Variants in ABCA3 observed in about 807,000 individuals in gnomAD.
ABCA3 encodes ATP binding cassette subfamily A member 3.
Under a neutral mutation model 172.8 loss-of-function variants are expected in ABCA3, and 88 were observed. That is an observed-to-expected ratio of 0.51 (90% confidence interval 0.43 to 0.61). ABCA3 has a LOEUF of 0.61. Among genes scored for constraint, ABCA3 ranks in the 20% least tolerant of loss-of-function variants. The pLI is 0.00. For missense variants in ABCA3, 2,164 were observed against 2,301.0 expected (o/e 0.94, Z 1.22); for synonymous variants, 1,066 against 983.8 (o/e 1.08, Z -1.56).
chr16:2,326,285 T>A lies in ABCA3; in HGVS notation c.55-11A>T. 10 of 1,612,414 alleles carry A rather than the reference T, an allele frequency of 6.2e-6. No individual in the cohort carries two copies. The highest frequency in any genetic ancestry group is 8.5e-6 in the Non-Finnish European group (10 of 1,179,994). Reference sequence around the variant, plus strand: ...CAGGACCTTCCGCTTCTGGAAGAGATACAATAGGGCACGGTGATGGGCTGC... The same window carrying A: ...CAGGACCTTCCGCTTCTGGAAGAGAAACAATAGGGCACGGTGATGGGCTGC... On this transcript the variant is annotated splice_polypyrimidine_tract_variant and intron_variant, in intron 4 of 32. Transcript: ENST00000301732.
At position 2,292,267 on chromosome 16, in the gene ABCA3, AC is replaced by A. The variant is rs771920021; in HGVS notation, c.2415-30del. ...AAAAACAGACCCAGCATTATGAGTC[AC>A]TTCTCAGTGACTTTCTAGATAATTT... On this transcript the variant is annotated intron_variant, in intron 18 of 32. Coordinates refer to ENST00000301732, the MANE Select transcript of ABCA3 (RefSeq NM_001089.3). 1.9e-5 allele frequency: 30 copies of A among 1,573,638 alleles called. No homozygotes were observed. The Middle Eastern group carries it at 5.0e-4, about 26-fold the overall frequency.
At chr16:2,313,469 C>T (rs754496070) in intron 10 of ABCA3, among the ~76,000 whole-genome samples, 16 of 147,578 alleles carry the variant, frequency 1.1e-4, no homozygotes, top group Non-Finnish European at 1.8e-4. Context: ...AGGAGAATTG[C>T]TTGAACCCAG....
intron 11 of ABCA3, 56 bp from the exon 12 acceptor site, chr16:2,304,206 ACCCGAAGCCC>A: frequency 1.2e-6 from 2 of 1,600,962 alleles, no homozygotes; most frequent in Non-Finnish European, 1.7e-6. Context: ...GGGCCCAGGG[ACCCGAAGCCC>A]CTGATGGCAC....
intron 26 of ABCA3, among the ~76,000 whole-genome samples, chr16:2,282,948 G>A (rs2093657265): frequency 6.6e-6 from 1 of 152,236 alleles, no homozygotes; most frequent in Non-Finnish European, 1.5e-5. Flanking sequence ...GGACGGCCCT[G>A]GGCCCCCAGG....
At chr16:2,328,782 T>A in intron 2 of ABCA3, 25 bp from the exon 3 acceptor site, 1 of 259,480 alleles carries the variant, frequency 3.9e-6, no homozygotes, top group Non-Finnish European at 8.0e-6. Flanking sequence ...ACATCATCCA[T>A]CAGCCAGGTT....
intron 1 of ABCA3, among the ~76,000 whole-genome samples, chr16:2,333,249 G>A (rs2093746291): frequency 6.6e-6 from 1 of 152,180 alleles, no homozygotes; most frequent in African/African-American, 2.4e-5. Flanking sequence ...ATGTGTTCCT[G>A]TTGTATTCTG....
chr16:2,306,760 A>T (rs2093698230), intron 11 of ABCA3, among the ~76,000 whole-genome samples: 1 of 152,202 alleles, frequency 6.6e-6, no homozygotes, highest in Non-Finnish European at 1.5e-5. Flanking sequence ...TCACGCCTGT[A>T]ATCCCAGCAC....
At chr16:2,318,575 C>T (rs1396728007) in intron 8 of ABCA3, among the ~76,000 whole-genome samples, 9 of 150,594 alleles carry the variant, frequency 6.0e-5, no homozygotes, top group Admixed American at 2.7e-4. Context: ...TGCAGTGGTG[C>T]GATCTTGGCT....
chr16:2,284,492 C>T lies in ABCA3; in HGVS notation c.3704-55G>A, dbSNP rs2093659729. On this transcript the variant is annotated intron_variant, in intron 24 of 32. Transcript: ENST00000301732. The surrounding 1 kb of genome is among the most constrained non-coding windows in gnomAD (Gnocchi z 5.9). ...CTGGAGGGCACACCACACCCACCTC[C>T]AGGACGGGCCTGGTCAGGGCGGGCA... The T allele has an allele frequency of 1.2e-6, 2 of 1,607,220 alleles. No individual in the cohort carries two copies. The highest frequency in any genetic ancestry group is 1.7e-6 in the Non-Finnish European group (2 of 1,175,164).
Position 2,297,793 on chromosome 16 carries a change from G to T in ABCA3, c.2025C>A (p.Ile675=). Residue 675 remains isoleucine (I), a synonymous_variant, in exon 16 of 33, where the codon ATC becomes ATA. Coordinates refer to ENST00000301732, the MANE Select transcript of ABCA3 (RefSeq NM_001089.3). This position sits in a 1 kb window ranked among gnomAD's most constrained non-coding sequence, Gnocchi z 5.6. Reference sequence around the variant, plus strand: ...TGGAGCCTGCGATGAGGGCGATGCCGATGGAGAGCTTGCGCCTCATGCCCC... The same window carrying T: ...TGGAGCCTGCGATGAGGGCGATGCCTATGGAGAGCTTGCGCCTCATGCCCC... ...LSGGMRRKLS[I]GIALIAGSKV... The T allele has an allele frequency of 3.1e-6, 5 of 1,613,140 alleles. No individual in the cohort carries two copies. Among genetic ancestry groups the T allele is most frequent in the Non-Finnish European group, 4.2e-6 (5 of 1,180,042 alleles).
rs1329756446 is a variant in ABCA3 at position 2,285,409 on chromosome 16, A to C, written c.3483+33T>G. ...CCAGGGCAAGCCCTCTGCGGTCTGC[A>C]GGGGAACGGATCCAGCACCCTCCGG... On this transcript the variant is annotated intron_variant, in intron 23 of 32. Transcript: ENST00000301732. The surrounding 1 kb of genome is among the most constrained non-coding windows in gnomAD (Gnocchi z 4.7). The C allele has an allele frequency of 6.3e-7, 1 of 1,581,078 alleles. No individual in the cohort carries two copies.
intron 12 of ABCA3, among the ~76,000 whole-genome samples, chr16:2,303,668 C>A (rs1313440601): frequency 6.6e-6 from 1 of 152,194 alleles, no homozygotes; most frequent in Non-Finnish European, 1.5e-5. Flanking sequence ...GGGAGGTGGG[C>A]AGCAGAGGCT....
chr16:2,302,361 T>C (rs1398398779), intron 12 of ABCA3, among the ~76,000 whole-genome samples: 1 of 152,168 alleles, frequency 6.6e-6, no homozygotes, highest in Non-Finnish European at 1.5e-5. Flanking sequence ...ACAACATTCA[T>C]CAATATGTTT....
chr16:2,296,621 G>C (rs1411627431), intron 17 of ABCA3, among the ~76,000 whole-genome samples: 1 of 152,242 alleles, frequency 6.6e-6, no homozygotes, highest in Non-Finnish European at 1.5e-5. Context: ...AGTGGCTAGT[G>C]AAACTCTCAG....
At chr16:2,305,718 T>A (rs556243701) in intron 11 of ABCA3, among the ~76,000 whole-genome samples, 3 of 152,242 alleles carry the variant, frequency 2.0e-5, no homozygotes, top group Admixed American at 1.3e-4. Context: ...AGCCACCCCA[T>A]CCAGCCTAGT....
rs1025502846 is a variant in ABCA3, at chr16:2,287,735, C to T, written c.3004+291G>A. 6.6e-6 allele frequency among the ~76,000 whole-genome samples: 1 copy of T among 152,218 alleles called. No individual in the cohort carries two copies. Among genetic ancestry groups the T allele is most frequent in the East Asian group, 1.9e-4 (1 of 5,196 alleles). ...AAGACACAGCTTCAGTAAAAAGACG[C>T]CTGACAAAGCCTGGCCCCAGGATGC... On this transcript the variant is annotated intron_variant, in intron 21 of 32. Transcript: ENST00000301732. This position sits in a 1 kb window ranked among gnomAD's most constrained non-coding sequence, Gnocchi z 4.1.
chr16:2,340,101 G>A (rs1358453471), intron 1 of ABCA3, among the ~76,000 whole-genome samples: 2 of 152,216 alleles, frequency 1.3e-5, no homozygotes, highest in African/African-American at 4.8e-5. Flanking sequence ...AACCCGGGCG[G>A]CTTTGCCACC....
chr16:2,281,402 C>G lies in ABCA3; in HGVS notation c.4143G>C (p.Leu1381=). The G allele has an allele frequency of 6.2e-7, 1 of 1,613,728 alleles. No homozygotes were observed. Among genetic ancestry groups the G allele is most frequent in the Non-Finnish European group, 8.5e-7 (1 of 1,179,998 alleles). ...GTACCTTGGAGAGCTCCTTGATAAT[C>G]AGAGGTGTGTGGAGCAGGGAGTCCG... The part of the protein sequence containing the change: ...PSPDSLLHTP[L]IIKELSKVYE... The change falls in exon 27 of 33, where the codon CTG becomes CTC. Residue 1381 remains leucine (L), a synonymous_variant. Transcript: ENST00000301732. This position sits in a 1 kb window ranked among gnomAD's most constrained non-coding sequence, Gnocchi z 4.7.
At chr16:2,300,292 G>C (rs908467240) in intron 12 of ABCA3, 144 bp from the exon 13 acceptor site, 1 of 1,175,990 alleles carries the variant, frequency 8.5e-7, no homozygotes, top group Non-Finnish European at 1.2e-6. Context: ...TACTCAGGGA[G>C]AGCCCCAGAG....
Sources: gnomAD v4.1 joint callset for allele counts (sites outside exome capture counted in the v4.1 genomes callset) on GRCh38, gnomAD v4.1.1 for gene constraint, Gnocchi (gnomAD v3.1) non-coding constraint, MANE v1.5 for transcripts, NCBI Gene and HGNC (gene_info 2026-07-23, HGNC 2026-07-21) for gene names.